The following FAM53B variants were observed in gnomAD, a reference collection of about 807,000 sequenced individuals.
FAM53B encodes protein FAM53B.
FAM53B carries 12 observed loss-of-function variants against 32.7 expected under a neutral mutation model. The ratio of observed to expected loss-of-function variants is 0.37; its 90% CI spans 0.24 to 0.59. FAM53B has a LOEUF of 0.59. Ranked by LOEUF, FAM53B falls within the 20% of genes least tolerant of loss-of-function variation. FAM53B has a pLI of 0.72. For synonymous variants in FAM53B, 234 were observed against 228.7 expected, an observed-to-expected ratio of 1.02 and a Z score of -0.21; for missense variants, 477 against 577.7, an observed-to-expected ratio of 0.83 and a Z score of 1.79.
At chr10:124,712,115 G>A (rs1950008357) in intron 1 of FAM53B, among the ~76,000 whole-genome samples, 1 of 152,248 alleles carries the variant, frequency 6.6e-6, no homozygotes, top group East Asian at 1.9e-4. Context: ...AGCACTACGG[G>A]AGACTGACGT....
At chr10:124,664,639 T>A (rs1372441318) in intron 4 of FAM53B, among the ~76,000 whole-genome samples, 1 of 152,228 alleles carries the variant, frequency 6.6e-6, no homozygotes, top group Non-Finnish European at 1.5e-5. Flanking sequence ...AGACAGGACC[T>A]GGCTGTGCCC....
At position 124,622,410 on chromosome 10, in the gene FAM53B, C is replaced by T. The variant is rs1949316967; in HGVS notation, c.*832G>A. 1 of 152,286 alleles carries T rather than the reference C, an allele frequency of 6.6e-6. No homozygotes were observed. The highest frequency in any genetic ancestry group is 1.9e-4 in the East Asian group (1 of 5,196). The allele number at this position is 152,286 out of a possible 1,614,324, so 9.4% of individuals were successfully genotyped here. A position where few individuals can be genotyped will look rare whatever the true frequency, so the allele number is the denominator to read the frequency against. On this transcript the variant is annotated 3_prime_UTR_variant, in exon 5 of 5. Transcript: ENST00000337318. Reference sequence around the variant, plus strand: ...CCATGCTTATCACTCAGTGACCTGTCAGCCACAGAGAAGGGCTGCCATCTG... The same window carrying T: ...CCATGCTTATCACTCAGTGACCTGTTAGCCACAGAGAAGGGCTGCCATCTG...
chr10:124,633,115 G>A (rs1949402037), intron 4 of FAM53B, among the ~76,000 whole-genome samples: 1 of 152,016 alleles, frequency 6.6e-6, no homozygotes. Flanking sequence ...ACAGCAAAGG[G>A]GTCTGGGAGC....
chr10:124,685,566 C>T (rs567147331), intron 3 of FAM53B, among the ~76,000 whole-genome samples: 7 of 152,356 alleles, frequency 4.6e-5, no homozygotes, highest in South Asian at 4.1e-4. Flanking sequence ...CCGGTGCTCA[C>T]GGAGCCTGAG....
intron 1 of FAM53B, among the ~76,000 whole-genome samples, chr10:124,712,112 C>A (rs183192417): frequency 6.6e-6 from 1 of 151,934 alleles, no homozygotes; most frequent in Non-Finnish European, 1.5e-5. Flanking sequence ...CCCAGCACTA[C>A]GGGAGACTGA....
chr10:124,642,242 A>G (rs1252787492), intron 4 of FAM53B, among the ~76,000 whole-genome samples: 2 of 152,234 alleles, frequency 1.3e-5, no homozygotes, highest in African/African-American at 4.8e-5. Flanking sequence ...GCAAGCTGCC[A>G]TGCCAGCAGG....
At chr10:124,708,389 A>C (rs1037575997) in intron 1 of FAM53B, among the ~76,000 whole-genome samples, 5 of 152,256 alleles carry the variant, frequency 3.3e-5, no homozygotes, top group Non-Finnish European at 5.9e-5. Flanking sequence ...TCCAAAGTGC[A>C]AAAGCAGGGA....
In FAM53B at chr10:124,730,182, C is replaced by T. The variant is rs569189668; in HGVS notation, c.-175+13831G>A. The stretch of plus-strand genomic sequence containing the variant: ...GTCATTTCATCAGACCATGTATTTC[C>T]CATTCCAGCATGGTAGGAACAATGG... On this transcript the variant is annotated intron_variant, in intron 1 of 4. Coordinates refer to ENST00000337318, the MANE Select transcript of FAM53B (RefSeq NM_014661.4). Among the ~76,000 whole-genome samples, 42 of 152,306 alleles carry T rather than the reference C, an allele frequency of 2.8e-4. No individual in the cohort carries two copies. In the South Asian group the frequency reaches 8.3e-3, roughly 30 times the overall value.
At chr10:124,671,149 C>T in intron 4 of FAM53B, 1 of 453,756 alleles carries the variant, frequency 2.2e-6, no homozygotes, top group Non-Finnish European at 4.5e-6. Flanking sequence ...CCAGCCATGC[C>T]GCGTGACCTG....
At chr10:124,683,273 T>A (rs1949783963) in intron 3 of FAM53B, among the ~76,000 whole-genome samples, 1 of 152,214 alleles carries the variant, frequency 6.6e-6, no homozygotes, top group South Asian at 2.1e-4. Flanking sequence ...TGCTGGGAAT[T>A]TTAGGAGATG....
chr10:124,665,419 G>A (rs1405104963), intron 4 of FAM53B, among the ~76,000 whole-genome samples: 2 of 152,198 alleles, frequency 1.3e-5, no homozygotes, highest in East Asian at 3.8e-4. Context: ...TCCAACTGAT[G>A]GGCTGCCCAA....
Position 124,623,418 on chromosome 10 carries a change from C to G in FAM53B, c.1093G>C (p.Asp365His). 2 of 1,607,932 alleles carry G rather than the reference C, an allele frequency of 1.2e-6. No individual in the cohort carries two copies. Among genetic ancestry groups the G allele is most frequent in the East Asian group, 4.5e-5 (2 of 44,664 alleles). ...AGGTCCTCCTGGCAGGCGAGGTGGT[C>G]GTCGAAGGAAGGGGGAAGAGGCTCA... ...VPEPLPPSFD[D>H]HLACQEDLSC... is the part of the protein sequence containing the mutation. Residue 365 changes from aspartate (D) to histidine (H), a missense_variant, in exon 5 of 5, where the codon GAC (aspartate) becomes CAC (histidine). Transcript: ENST00000337318.
At chr10:124,735,095 T>C (rs111344496) in intron 1 of FAM53B, among the ~76,000 whole-genome samples, 4 of 152,296 alleles carry the variant, frequency 2.6e-5, no homozygotes, top group African/African-American at 9.6e-5. Context: ...CGGAAGACGC[T>C]GACTCCAGGT....
Position 124,681,840 on chromosome 10 carries a change from G to A in FAM53B, c.673C>T (p.Leu225=), listed in dbSNP as rs1435129162. 1.2e-6 allele frequency: 2 copies of A among 1,612,108 alleles called. No homozygotes were observed. Among genetic ancestry groups the A allele is most frequent in the African/African-American group, 2.7e-5 (2 of 74,936 alleles). ...LHPVGGGRLD[L]QRSLSCSHEQ... ...TGTGAGCAAGAGAGGGACCGCTGCA[G>A]GTCCAGCCGGCCTCCTCCCACGGGG... The change falls in exon 4 of 5, where the codon CTG becomes TTG. Residue 225 remains leucine (L), a synonymous_variant. Coordinates refer to ENST00000337318, the MANE Select transcript of FAM53B (RefSeq NM_014661.4).
chr10:124,711,736 C>T (rs560263296), intron 1 of FAM53B, among the ~76,000 whole-genome samples: 13 of 152,108 alleles, frequency 8.5e-5, no homozygotes, highest in Non-Finnish European at 1.9e-4. Context: ...TGAAATCACT[C>T]GACTTCAGTT....
chr10:124,650,271 TAA>T lies in FAM53B; in HGVS notation c.907-26669_907-26668del, dbSNP rs1483467961. 2.6e-5 allele frequency among the ~76,000 whole-genome samples: 4 copies of T among 152,036 alleles called. 1 individual carries two copies. On this transcript the variant is annotated intron_variant, in intron 4 of 4. Transcript: ENST00000337318. ...TCTATCGGTTGGAGGAGGCCAAAGGTAAAAGAGGCCCAGGTCATCGCGGGACA... is the reference window on the plus strand; with the variant it reads ...TCTATCGGTTGGAGGAGGCCAAAGGTAAGAGGCCCAGGTCATCGCGGGACA...
chr10:124,692,253 C>T (rs887152994), intron 3 of FAM53B, among the ~76,000 whole-genome samples: 13 of 152,166 alleles, frequency 8.5e-5, no homozygotes, highest in African/African-American at 3.1e-4. Context: ...TTCTCCCACC[C>T]ACGCTTCACG....
chr10:124,702,011 C>A (rs950490953), intron 2 of FAM53B, among the ~76,000 whole-genome samples: 1 of 152,300 alleles, frequency 6.6e-6, no homozygotes, highest in East Asian at 1.9e-4. Context: ...GAATTGGCCA[C>A]GAGCTCCTCC....
chr10:124,736,222 G>C (rs1950173417), intron 1 of FAM53B, among the ~76,000 whole-genome samples: 1 of 152,268 alleles, frequency 6.6e-6, no homozygotes, highest in Non-Finnish European at 1.5e-5. Context: ...GGCCCAGTGA[G>C]GGTTACAGGG....
Sources: gnomAD v4.1 joint callset for allele counts (sites outside exome capture counted in the v4.1 genomes callset) on GRCh38, gnomAD v4.1.1 for gene constraint, MANE v1.5 for transcripts, NCBI Gene and HGNC (gene_info 2026-07-23, HGNC 2026-07-21) for gene names.